GVQW3: variants seen among roughly 807,000 people sequenced by gnomAD.
The protein encoded by GVQW3 is GVQW motif containing 3.
In GVQW3, 7 loss-of-function variants were observed where a neutral mutation model predicts 12.5. The observed-to-expected ratio is 0.56, with a 90% CI of 0.32 to 1.05. The LOEUF (loss-of-function observed/expected upper bound fraction) is 1.05, where lower values mean the gene tolerates loss of function less well. GVQW3 is among the 50% of genes least tolerant of loss of function. The pLI is 0.04. For synonymous variants in GVQW3, 71 were observed against 67.2 expected (o/e 1.06, Z -0.28); for missense variants, 188 against 190.8 (o/e 0.99, Z 0.09).
In GVQW3 at chr11:76,381,368, T is replaced by G. The variant is rs1173264569; in HGVS notation, c.-461T>G. ...ACGCTAGAGCAGGCGGTTCCTGGGC[T>G]GCTCCGGTAGGTTTGGCGTGCGCGG... On this transcript the variant is annotated 5_prime_UTR_variant, in exon 1 of 2. Transcript: ENST00000529331. The G allele has an allele frequency of 6.4e-6, 1 of 155,254 alleles. No homozygotes were observed. Among genetic ancestry groups the G allele is most frequent in the Non-Finnish European group, 1.4e-5 (1 of 70,260 alleles). 9.6% of individuals were successfully genotyped at this position (155,254 alleles called of 1,614,324 possible). A position where few individuals can be genotyped will look rare whatever the true frequency, so the allele number is the denominator to read the frequency against.
downstream of GVQW3, among the ~76,000 whole-genome samples, chr11:76,408,811 G>A (rs1947063808): frequency 6.6e-6 from 1 of 152,202 alleles, no homozygotes. Context: ...CTCCAGACAG[G>A]GTGGAGTGGA....
chr11:76,401,813 A>C (rs189296388), intron 1 of GVQW3, among the ~76,000 whole-genome samples: 1 of 152,062 alleles, frequency 6.6e-6, no homozygotes, highest in Admixed American at 6.6e-5. Context: ...AAGAAAAGAA[A>C]GAATTTATCT....
At chr11:76,398,405 G>C (rs989996150) in intron 1 of GVQW3, among the ~76,000 whole-genome samples, 1 of 152,122 alleles carries the variant, frequency 6.6e-6, no homozygotes, top group Non-Finnish European at 1.5e-5. Flanking sequence ...TCTGCCTCCA[G>C]GGCTTAAGTG....
intron 1 of GVQW3, among the ~76,000 whole-genome samples, chr11:76,393,285 C>G (rs1379308160): frequency 6.6e-6 from 1 of 152,180 alleles, no homozygotes; most frequent in Non-Finnish European, 1.5e-5. Context: ...GTAGGCTCAC[C>G]TTAGGGATGG....
intron 1 of GVQW3, among the ~76,000 whole-genome samples, chr11:76,386,640 C>T (rs1465119449): frequency 6.6e-6 from 1 of 152,196 alleles, no homozygotes; most frequent in Non-Finnish European, 1.5e-5. Context: ...GATTGGGTCT[C>T]AGCAAGGTCC....
downstream of GVQW3, chr11:76,411,797 T>C (rs1947081467): frequency 6.6e-6 from 1 of 152,204 alleles, no homozygotes; most frequent in Admixed American, 6.5e-5. Context: ...GCTGTAACAT[T>C]GGAATAGGCC....
chr11:76,399,794 T>C (rs1946971148), intron 1 of GVQW3, among the ~76,000 whole-genome samples: 1 of 152,068 alleles, frequency 6.6e-6, no homozygotes, highest in Non-Finnish European at 1.5e-5. Context: ...CACCAGCTCT[T>C]TTTTTGGGTC....
intron 1 of GVQW3, among the ~76,000 whole-genome samples, chr11:76,396,496 G>A (rs1194639039): frequency 6.6e-6 from 1 of 151,732 alleles, no homozygotes; most frequent in Non-Finnish European, 1.5e-5. Context: ...GTATTTTTTT[G>A]TAGGGATAGA....
rs1947037801 is a variant in GVQW3, at chr11:76,406,195, A to T, written c.*2437A>T. 1 of 151,318 alleles carries T rather than the reference A, an allele frequency of 6.6e-6. No homozygotes were observed. Among genetic ancestry groups the T allele is most frequent in the African/African-American group, 2.4e-5 (1 of 40,956 alleles). The allele number at this position is 151,318 out of a possible 1,614,324, so 9.4% of individuals were successfully genotyped here. On this transcript the variant is annotated 3_prime_UTR_variant, in exon 2 of 2. Transcript: ENST00000529331. The stretch of plus-strand genomic sequence containing the variant: ...ACCCTGTTGCCCACTCTGGTCTCAA[A>T]CTCCTGGGCTCAACCAATCTGCCCA...
downstream of GVQW3, among the ~76,000 whole-genome samples, chr11:76,409,759 C>T (rs1460304886): frequency 6.6e-6 from 1 of 152,180 alleles, no homozygotes; most frequent in East Asian, 1.9e-4. Flanking sequence ...GAACCTGGCA[C>T]AGAGTCTGTG....
At chr11:76,397,055 G>A (rs1304009187) in intron 1 of GVQW3, among the ~76,000 whole-genome samples, 1 of 131,036 alleles carries the variant, frequency 7.6e-6, no homozygotes, top group Non-Finnish European at 1.6e-5. Context: ...GCCCATGCTA[G>A]AGTGCAATGG....
chr11:76,404,197 A>G lies in GVQW3; in HGVS notation c.*439A>G. ...GGGAAGGAATAGAACGAGGAGTTCA[A>G]TCTGTGACTGACAGTGAACAATTGA... On this transcript the variant is annotated 3_prime_UTR_variant, in exon 2 of 2. Transcript: ENST00000529331. 1 of 402,932 alleles carries G rather than the reference A, an allele frequency of 2.5e-6. No individual in the cohort carries two copies. The highest frequency in any genetic ancestry group is 4.4e-6 in the Non-Finnish European group (1 of 227,270). 25.0% of individuals were successfully genotyped at this position (402,932 alleles called of 1,614,324 possible).
At position 76,392,801 on chromosome 11, in the gene GVQW3, C is replaced by T. The variant is rs531659062; in HGVS notation, c.465+10508C>T. 3 of 152,236 alleles carry T rather than the reference C, an allele frequency of 2.0e-5. No individual in the cohort carries two copies. In the East Asian group the frequency reaches 5.8e-4, roughly 29 times the overall value. The allele number at this position is 152,236 out of a possible 1,614,324, so 9.4% of individuals were successfully genotyped here. ...TTGGCATTCTGTCATCCATTTTTTC[C>T]AGATGTTCTTCCCAAGTAGTGTGTT... is the stretch of plus-strand genomic sequence containing the variant. On this transcript the variant is annotated intron_variant, in intron 1 of 1. Coordinates refer to ENST00000529331, the MANE Select transcript of GVQW3 (RefSeq NM_001347885.2).
At chr11:76,391,025 A>C (rs1191955527) in intron 1 of GVQW3, among the ~76,000 whole-genome samples, 1 of 152,048 alleles carries the variant, frequency 6.6e-6, no homozygotes, top group African/African-American at 2.4e-5. Context: ...TGCCCAATAG[A>C]GAATAATTTC....
chr11:76,408,738 A>T (rs1157770008), downstream of GVQW3: 1 of 152,216 alleles, frequency 6.6e-6, no homozygotes, highest in Non-Finnish European at 1.5e-5. Context: ...CCTGCGAACG[A>T]GCATCACACA....
rs1229168066 is a variant in GVQW3, at chr11:76,382,295, T to TA, written c.465+4dup. On this transcript the variant is annotated splice_region_variant and intron_variant, in intron 1 of 1. Transcript: ENST00000529331. ...AATAGCTCATGTTTGAGGAAAAAGG[T>TA]AACAGGTTCTGAAACATGGAGTTAT... The TA allele has an allele frequency of 6.7e-7, 1 of 1,492,268 alleles. No homozygotes were observed. Among genetic ancestry groups the TA allele is most frequent in the African/African-American group, 1.4e-5 (1 of 72,256 alleles). The allele number at this position is 1,492,268 out of a possible 1,614,324, so 92.4% of individuals were successfully genotyped here.
intron 1 of GVQW3, among the ~76,000 whole-genome samples, chr11:76,397,491 C>T (rs759039054): frequency 1.3e-4 from 20 of 152,148 alleles, no homozygotes; most frequent in Non-Finnish European, 2.5e-4. Context: ...CACCTAGGAG[C>T]GGTATTCATA....
chr11:76,399,119 T>C (rs1244582127), intron 1 of GVQW3, among the ~76,000 whole-genome samples: 2 of 152,042 alleles, frequency 1.3e-5, no homozygotes, highest in African/African-American at 4.8e-5. Flanking sequence ...TATTTTATTT[T>C]ATTTTATTTC....
intron 1 of GVQW3, chr11:76,392,971 T>G (rs193186656): frequency 4.6e-5 from 7 of 152,352 alleles, no homozygotes; most frequent in Admixed American, 3.9e-4. Flanking sequence ...AAGTCATGAA[T>G]GCTATCACAT....
Sources: allele counts gnomAD v4.1 joint callset (sites outside exome capture counted in the v4.1 genomes callset), GRCh38; gene constraint gnomAD v4.1.1; transcripts MANE v1.5; gene names NCBI Gene and HGNC (gene_info 2026-07-23, HGNC 2026-07-21).